Variants in TBC1D5 observed in about 807,000 individuals in gnomAD.
TBC1D5 encodes TBC1 domain family, member 5.
In TBC1D5, 75 loss-of-function variants were observed where a neutral mutation model predicts 100.3. That is an observed-to-expected ratio of 0.75 (90% CI 0.62 to 0.91). The LOEUF is 0.91. Ranked by LOEUF, TBC1D5 falls within the 40% of genes least tolerant of loss-of-function variation. The probability of loss-of-function intolerance (pLI) is 0.00; values close to 1 mark genes in which losing one functional copy is unlikely to be tolerated. For missense variants in TBC1D5, 910 were observed against 942.4 expected (o/e 0.97, Z 0.45); for synonymous variants, 323 against 325.6 (o/e 0.99, Z 0.09).
intron 1 of TBC1D5, among the ~76,000 whole-genome samples, chr3:17,657,072 G>A (rs1240208452): frequency 6.6e-6 from 1 of 151,988 alleles, no homozygotes; most frequent in East Asian, 1.9e-4. Flanking sequence ...AGTAAAAAAG[G>A]CCCGAATTTG....
intron 1 of TBC1D5, among the ~76,000 whole-genome samples, chr3:17,688,092 T>C (rs1262358295): frequency 6.6e-6 from 1 of 152,178 alleles, no homozygotes; most frequent in East Asian, 1.9e-4. Context: ...AATCGAATGC[T>C]ATGATTTCAC....
chr3:17,338,596 T>C (rs893452567), intron 13 of TBC1D5: 1 of 152,180 alleles, frequency 6.6e-6, no homozygotes, highest in African/African-American at 2.4e-5. Context: ...AGAATAGATA[T>C]GGAGATGAGT....
At chr3:17,354,799 A>C (rs912944970) in intron 13 of TBC1D5, among the ~76,000 whole-genome samples, 5 of 152,036 alleles carry the variant, frequency 3.3e-5, no homozygotes, top group African/African-American at 1.2e-4. Flanking sequence ...GTGCATAATT[A>C]CCGTGTATAA....
At position 17,706,056 on chromosome 3, in the gene TBC1D5, T is replaced by C. The variant is rs1207079779; in HGVS notation, c.-101+33287A>G. On this transcript the variant is annotated intron_variant, in intron 1 of 21. Coordinates refer to ENST00000253692, the Ensembl canonical transcript of TBC1D5. ...CACCATGTTCTTTAAGGTGGGAGCC[T>C]ACTGATTTCCCCCGACCCCAGACTG... The C allele has an allele frequency of 3.8e-6, 6 of 1,588,442 alleles. No individual in the cohort carries two copies. In the African/African-American group the frequency reaches 4.1e-5, roughly 11 times the overall value.
intron 16 of TBC1D5, among the ~76,000 whole-genome samples, chr3:17,251,776 G>A (rs879761808): frequency 6.6e-6 from 1 of 152,090 alleles, no homozygotes; most frequent in African/African-American, 2.4e-5. Flanking sequence ...TTAAAAATGG[G>A]AATTGACATT....
chr3:17,689,345 G>C (rs952791348), intron 1 of TBC1D5, among the ~76,000 whole-genome samples: 1 of 151,922 alleles, frequency 6.6e-6, no homozygotes, highest in Non-Finnish European at 1.5e-5. Flanking sequence ...TTTGAGATCA[G>C]TGGACAACAT....
At chr3:17,344,184 A>G (rs2089495640) in intron 13 of TBC1D5, among the ~76,000 whole-genome samples, 1 of 152,116 alleles carries the variant, frequency 6.6e-6, no homozygotes, top group African/African-American at 2.4e-5. Flanking sequence ...CTCAGCCCAA[A>G]ATCTCCTTAA....
At chr3:17,338,720 A>G (rs1575412185) in intron 13 of TBC1D5, 1 of 152,248 alleles carries the variant, frequency 6.6e-6, no homozygotes, top group East Asian at 1.9e-4. Context: ...TGGGAACACT[A>G]GTATGTAGTA....
At chr3:17,409,286 T>A (rs2149067841) in intron 4 of TBC1D5, among the ~76,000 whole-genome samples, 1 of 152,262 alleles carries the variant, frequency 6.6e-6, no homozygotes, top group Non-Finnish European at 1.5e-5. Flanking sequence ...ATGTTACTAT[T>A]GTAACTGTTA....
At chr3:17,294,732 A>G (rs936775424) in intron 14 of TBC1D5, among the ~76,000 whole-genome samples, 1 of 152,234 alleles carries the variant, frequency 6.6e-6, no homozygotes, top group Non-Finnish European at 1.5e-5. Context: ...CACTAGGAAT[A>G]TAACAGCAAA....
chr3:17,450,639 T>C (rs2094904193), intron 3 of TBC1D5, among the ~76,000 whole-genome samples: 1 of 152,004 alleles, frequency 6.6e-6, no homozygotes, highest in African/African-American at 2.4e-5. Flanking sequence ...ATATCAGAGA[T>C]TGAAGATCAA....
intron 2 of TBC1D5, among the ~76,000 whole-genome samples, chr3:17,565,414 A>G (rs2096587310): frequency 6.6e-6 from 1 of 152,134 alleles, no homozygotes; most frequent in Non-Finnish European, 1.5e-5. Flanking sequence ...GACCATAACA[A>G]TTACAGAAAA....
chr3:17,477,460 T>C (rs2095450967), intron 3 of TBC1D5, among the ~76,000 whole-genome samples: 1 of 152,028 alleles, frequency 6.6e-6, no homozygotes, highest in Non-Finnish European at 1.5e-5. Context: ...CTAGAAATCA[T>C]CTGTCCCCAA....
intron 8 of TBC1D5, among the ~76,000 whole-genome samples, chr3:17,396,157 G>A (rs183542144): frequency 5.9e-5 from 9 of 152,128 alleles, no homozygotes; most frequent in South Asian, 2.1e-4. Context: ...AGGGCTGGTC[G>A]TGCATGCACA....
intron 3 of TBC1D5, among the ~76,000 whole-genome samples, chr3:17,499,684 T>C (rs2095760463): frequency 6.9e-6 from 1 of 144,170 alleles, no homozygotes; most frequent in Non-Finnish European, 1.5e-5. Context: ...TGAAACACTG[T>C]CTCCAAAAAA....
chr3:17,531,918 G>A (rs1455291156), intron 2 of TBC1D5, among the ~76,000 whole-genome samples: 1 of 152,136 alleles, frequency 6.6e-6, no homozygotes, highest in African/African-American at 2.4e-5. Context: ...TCAGGACATA[G>A]GCATGGGCAA....
intron 13 of TBC1D5, among the ~76,000 whole-genome samples, chr3:17,360,744 T>C (rs1028850495): frequency 6.6e-6 from 1 of 152,026 alleles, no homozygotes; most frequent in African/African-American, 2.4e-5. Flanking sequence ...AAAATTATGA[T>C]TAAAATTTCT....
chr3:17,351,510 A>G (rs764860990), intron 13 of TBC1D5, among the ~76,000 whole-genome samples: 124 of 152,288 alleles, frequency 8.1e-4, no homozygotes, highest in East Asian at 1.9e-4. Context: ...GTTCTCACTC[A>G]TAAGTGGGAG....
intron 1 of TBC1D5, among the ~76,000 whole-genome samples, chr3:17,655,805 G>A (rs1370711951): frequency 6.6e-6 from 1 of 152,110 alleles, no homozygotes; most frequent in Non-Finnish European, 1.5e-5. Flanking sequence ...GCACTAAAAA[G>A]AGACATTTAA....
Sources: allele counts gnomAD v4.1 joint callset (sites outside exome capture counted in the v4.1 genomes callset), GRCh38; gene constraint gnomAD v4.1.1; transcripts MANE v1.5; gene names NCBI Gene and HGNC (gene_info 2026-07-23, HGNC 2026-07-21).